The following PES1 variants were observed in gnomAD, a reference collection of about 807,000 sequenced individuals.
PES1 encodes the protein pescadillo homolog.
A neutral mutation model predicts 77.1 loss-of-function variants in PES1; 31 were observed. The observed-to-expected ratio is 0.40, with a 90% CI of 0.30 to 0.54. The LOEUF is 0.54. PES1 is among the 20% of genes least tolerant of loss of function. The probability of loss-of-function intolerance (pLI) is 0.45; values close to 1 mark genes in which losing one functional copy is unlikely to be tolerated. For synonymous variants in PES1, 282 were observed against 303.0 expected (o/e 0.93, Z 0.72); for missense variants, 658 against 771.7 (o/e 0.85, Z 1.75).
exon 1 of PES1, chr22:30,606,875 TCCTTTGGTAAGGAGTACCGGGTAGGCACC>T (rs1569036055): frequency 3.1e-5 from 32 of 1,035,124 alleles, no homozygotes; most frequent in Non-Finnish European, 3.7e-5. Flanking sequence ...TACCAGGGGC[TCCTTTGGTAAGGAGTACCGGGTAGGCACC>T]CGGTCCTGCC....
Position 30,584,539 on chromosome 22 carries a change from G to A in PES1, c.540+7C>T. 1 of 1,610,326 alleles carries A rather than the reference G, an allele frequency of 6.2e-7. No homozygotes were observed. The highest frequency in any genetic ancestry group is 1.1e-5 in the South Asian group (1 of 90,566). On this transcript the variant is annotated splice_region_variant and intron_variant, in intron 5 of 14. Transcript: ENST00000354694. ...GTGGGATGCCAGCCGGGCAGTCCCAGGCTCACCTTGCGCAGGGCACGGGCA... is the reference window on the plus strand; with the variant it reads ...GTGGGATGCCAGCCGGGCAGTCCCAAGCTCACCTTGCGCAGGGCACGGGCA...
At position 30,584,347 on chromosome 22, in the gene PES1, C is replaced by T. The variant is rs2146467658; in HGVS notation, c.630+18G>A. On this transcript the variant is annotated intron_variant, in intron 6 of 14. Coordinates refer to ENST00000354694, the MANE Select transcript of PES1 (RefSeq NM_014303.4). ...AGGAGGCAGCACAAGCCCGTCCCCT[C>T]CCGACAGGCACACTCACGTCATGGG... 1.3e-6 allele frequency: 2 copies of T among 1,583,422 alleles called. No homozygotes were observed. The highest frequency in any genetic ancestry group is 2.3e-5 in the South Asian group (2 of 88,288).
At chr22:30,583,227 G>C (rs1187367666) in intron 6 of PES1, among the ~76,000 whole-genome samples, 1 of 152,174 alleles carries the variant, frequency 6.6e-6, no homozygotes, top group Non-Finnish European at 1.5e-5. Context: ...GTGCCCCAGG[G>C]GGAGAGGGAA....
Position 30,578,621 on chromosome 22 carries a change from C to T in PES1, c.1683+216G>A, listed in dbSNP as rs575514616. Among the ~76,000 whole-genome samples the T allele has an allele frequency of 5.3e-5, 8 of 152,262 alleles. No homozygotes were observed. The East Asian group carries it at 9.7e-4, about 18-fold the overall frequency. On this transcript the variant is annotated intron_variant, in intron 14 of 14. Coordinates refer to ENST00000354694, the MANE Select transcript of PES1 (RefSeq NM_014303.4). The stretch of plus-strand genomic sequence containing the variant: ...GCCGGATGCGGGGTGGGACGGAAGC[C>T]GTAAGGAAAGCCCAGGCCGGAGATG...
At chr22:30,579,708 G>A (rs768022567) in intron 12 of PES1, 43 bp downstream of exon 12, 25 of 1,582,336 alleles carry the variant, frequency 1.6e-5, no homozygotes, top group Admixed American at 6.8e-5. Flanking sequence ...AACAGCCAGC[G>A]TGGGCCCAGG....
At chr22:30,595,771 G>A (rs548525189), upstream of PES1, among the ~76,000 whole-genome samples, 4 of 152,210 alleles carry the variant, frequency 2.6e-5, no homozygotes, top group Non-Finnish European at 4.4e-5. Flanking sequence ...TTCAGACCAC[G>A]GAGGGAACAT....
upstream of PES1, chr22:30,592,098 A>G (rs2087190616): frequency 1.5e-6 from 2 of 1,296,916 alleles, no homozygotes; most frequent in African/African-American, 3.1e-5. Context: ...AAGTGTTAAA[A>G]CAAACGTGGA....
At chr22:30,598,197 C>G (rs1362512543) in intron 2 of PES1, 2 of 152,192 alleles carry the variant, frequency 1.3e-5, no homozygotes, top group Non-Finnish European at 1.5e-5. Context: ...AGCTGTAACA[C>G]TCACTGGGAA....
At chr22:30,587,979 G>T in intron 3 of PES1, 42 bp downstream of exon 3, 6 of 1,599,950 alleles carry the variant, frequency 3.8e-6, no homozygotes, top group Non-Finnish European at 5.1e-6. Flanking sequence ...GGGTCACAGA[G>T]CTGCGATGAG....
chr22:30,594,565 G>A (rs184754329), upstream of PES1, among the ~76,000 whole-genome samples: 12 of 151,952 alleles, frequency 7.9e-5, no homozygotes, highest in East Asian at 1.7e-3. Context: ...TGTAATCCTA[G>A]CCTTTTGGGA....
At chr22:30,602,163 A>C (rs1173272547) in intron 2 of PES1, among the ~76,000 whole-genome samples, 4 of 152,044 alleles carry the variant, frequency 2.6e-5, no homozygotes, top group Non-Finnish European at 5.9e-5. Flanking sequence ...TGAGGGAGAC[A>C]CCTGGTGGGA....
upstream of PES1, among the ~76,000 whole-genome samples, chr22:30,596,909 G>C (rs978860382): frequency 5.5e-4 from 84 of 152,348 alleles, no homozygotes; most frequent in Admixed American, 9.1e-4. Context: ...TTGCGGGCCA[G>C]CTAGAGTTAA....
At chr22:30,580,452 A>C (rs139006507) in intron 10 of PES1, 119 bp downstream of exon 10, 12 of 1,371,190 alleles carry the variant, frequency 8.8e-6, no homozygotes, top group East Asian at 2.3e-5. Context: ...CTTTCCACAC[A>C]CTGTTTCATA....
At chr22:30,580,304 C>T in intron 10 of PES1, 126 bp from the exon 11 acceptor site, 5 of 1,241,558 alleles carry the variant, frequency 4.0e-6, no homozygotes, top group Non-Finnish European at 5.6e-6. Context: ...ATTACCCCCT[C>T]CTCACCCCAG....
intron 2 of PES1, among the ~76,000 whole-genome samples, chr22:30,601,372 T>C (rs1404685041): frequency 6.6e-6 from 1 of 152,132 alleles, no homozygotes; most frequent in East Asian, 1.9e-4. Context: ...TGGAGTGCAG[T>C]GGTGCGATCT....
At chr22:30,580,750 A>G (rs201121515) in intron 9 of PES1, 49 bp from the exon 10 acceptor site, 181 of 1,608,536 alleles carry the variant, frequency 1.1e-4, no homozygotes, top group Non-Finnish European at 4.7e-5. Context: ...GCCCACCCCC[A>G]CTGGAGGGCC....
intron 2 of PES1, among the ~76,000 whole-genome samples, chr22:30,603,364 TTC>T (rs2087387723): frequency 6.6e-6 from 1 of 151,954 alleles, no homozygotes; most frequent in Admixed American, 6.6e-5. Context: ...TTTTCTTTCT[TTC>T]TGTTTTTGTT....
At chr22:30,591,921 C>T, upstream of PES1, 2 of 1,483,486 alleles carry the variant, frequency 1.3e-6, no homozygotes, top group Middle Eastern at 1.8e-4. Flanking sequence ...CCCGAGGACC[C>T]TCCCCACCCC....
chr22:30,576,788 C>T lies in PES1; in HGVS notation c.*258G>A. On this transcript the variant is annotated 3_prime_UTR_variant, in exon 15 of 15. Transcript: ENST00000354694. ...GGGGGCTGGGTGGGCCTCTGCACCT[C>T]ATGTCACTGGCTCCTGGGAGCAGAG... 1.8e-6 allele frequency: 1 copy of T among 548,446 alleles called. No individual in the cohort carries two copies. The highest frequency in any genetic ancestry group is 3.1e-5 in the East Asian group (1 of 32,200). 34.0% of individuals were successfully genotyped at this position (548,446 alleles called of 1,614,324 possible).
Sources: allele counts gnomAD v4.1 joint callset (sites outside exome capture counted in the v4.1 genomes callset), GRCh38; gene constraint gnomAD v4.1.1; transcripts MANE v1.5; gene names NCBI Gene and HGNC (gene_info 2026-07-23, HGNC 2026-07-21).